TULP4: variants seen among roughly 807,000 people sequenced by gnomAD.
The protein encoded by TULP4 is TUB like protein 4.
Under a neutral mutation model 129.0 loss-of-function variants are expected in TULP4, and 16 were observed. The observed-to-expected ratio is 0.12, with a 90% CI of 0.08 to 0.19. TULP4 has a LOEUF of 0.19. Ranked by LOEUF, TULP4 falls within the 10% of genes least tolerant of loss-of-function variation. TULP4 has a pLI of 1.00. For missense variants in TULP4, 1,842 were observed against 2,059.1 expected (o/e 0.89, Z 2.04); for synonymous variants, 998 against 854.0 (o/e 1.17, Z -2.94).
rs1294262654 is a variant in TULP4 at position 158,493,884 on chromosome 6, C to T, written c.1776+167C>T. 6.6e-6 allele frequency among the ~76,000 whole-genome samples: 1 copy of T among 152,196 alleles called. No individual in the cohort carries two copies. The highest frequency in any genetic ancestry group is 2.4e-5 in the African/African-American group (1 of 41,444). Reference sequence around the variant, plus strand: ...CCTCAGGAGTAGCCCTCAGGTGGAGCTCTGGCTTCTCCACCTGTGCCCCTC... The same window carrying T: ...CCTCAGGAGTAGCCCTCAGGTGGAGTTCTGGCTTCTCCACCTGTGCCCCTC... On this transcript the variant is annotated intron_variant, in intron 10 of 13. Coordinates refer to ENST00000367097, the MANE Select transcript of TULP4 (RefSeq NM_020245.5). This position sits in a 1 kb window ranked among gnomAD's most constrained non-coding sequence, Gnocchi z 4.4.
At chr6:158,300,130 C>G (rs1779107681) in intron 1 of TULP4, among the ~76,000 whole-genome samples, 1 of 152,194 alleles carries the variant, frequency 6.6e-6, no homozygotes, top group Non-Finnish European at 1.5e-5. Context: ...ACGCAGACGT[C>G]TCTTCCCTAT....
intron 1 of TULP4, among the ~76,000 whole-genome samples, chr6:158,314,890 T>A (rs1408507111): frequency 6.6e-6 from 1 of 152,228 alleles, no homozygotes; most frequent in Non-Finnish European, 1.5e-5. Flanking sequence ...GCTTCTAAAA[T>A]ATAAGCAGTG....
chr6:158,362,843 G>T (rs2795830), intron 1 of TULP4, among the ~76,000 whole-genome samples: 138,065 of 151,740 alleles, frequency 0.91, 62,983 homozygotes, highest in Admixed American at 0.94. Flanking sequence ...TGGGAGGTCA[G>T]GAGGTCAGGA....
intron 1 of TULP4, among the ~76,000 whole-genome samples, chr6:158,248,875 G>A (rs1778083225): frequency 1.3e-5 from 2 of 152,060 alleles, no homozygotes; most frequent in African/African-American, 4.8e-5. Flanking sequence ...ATCCCAGCAC[G>A]TTGACAGGTT....
intron 4 of TULP4, 70 bp downstream of exon 4, chr6:158,449,246 T>G (rs341136): frequency 0.23 from 337,811 of 1,473,784 alleles, 41,946 homozygotes; most frequent in Non-Finnish European, 0.25. Flanking sequence ...CAGAGTAGAC[T>G]GATGTGGAGG....
At chr6:158,420,025 A>T (rs1168735131) in intron 2 of TULP4, among the ~76,000 whole-genome samples, 1 of 152,240 alleles carries the variant, frequency 6.6e-6, no homozygotes, top group East Asian at 1.9e-4. Flanking sequence ...AATTGATCAT[A>T]TTCTAGGGCA....
At chr6:158,349,399 G>GAT (rs1780426779) in intron 1 of TULP4, among the ~76,000 whole-genome samples, 1 of 146,178 alleles carries the variant, frequency 6.8e-6, no homozygotes, top group African/African-American at 2.5e-5. Context: ...CTTCCCAGAT[G>GAT]GGGTGGCAGC....
intron 1 of TULP4, among the ~76,000 whole-genome samples, chr6:158,307,379 G>A (rs187940763): frequency 1.3e-5 from 2 of 152,316 alleles, no homozygotes; most frequent in Admixed American, 1.3e-4. Flanking sequence ...TCAACAAGTG[G>A]TAGTTTCTCA....
chr6:158,356,268 C>T (rs981764390), intron 1 of TULP4, among the ~76,000 whole-genome samples: 1 of 152,026 alleles, frequency 6.6e-6, no homozygotes, highest in Non-Finnish European at 1.5e-5. Flanking sequence ...AAGAAAGTGG[C>T]CTAGGGGGTC....
At chr6:158,251,380 T>C (rs1245595971) in intron 1 of TULP4, among the ~76,000 whole-genome samples, 2 of 152,168 alleles carry the variant, frequency 1.3e-5, no homozygotes, top group East Asian at 1.9e-4. Flanking sequence ...TTCATTGTCA[T>C]GTGAGATTTA....
Position 158,502,771 on chromosome 6 carries a change from C to G in TULP4, c.3108C>G (p.Thr1036=). The change falls in exon 13 of 14, where the codon ACC becomes ACG. Residue 1036 remains threonine (T), a synonymous_variant. Transcript: ENST00000367097. ...CGCGGCCCCCACCTGCCCTGTACAC[C>G]TGCAGTCAGTGCAGTGGCACAGGGC... The part of the protein sequence containing the change: ...LPARPPPALY[T]CSQCSGTGPS... 1.2e-6 allele frequency: 2 copies of G among 1,606,182 alleles called. No individual in the cohort carries two copies. The highest frequency in any genetic ancestry group is 1.7e-6 in the Non-Finnish European group (2 of 1,178,882).
At chr6:158,449,325 C>A in intron 4 of TULP4, 149 bp downstream of exon 4, 1 of 742,014 alleles carries the variant, frequency 1.3e-6, no homozygotes, top group South Asian at 2.3e-5. Context: ...AGCTGAAATG[C>A]AAGGTAGGGC....
At chr6:158,305,973 C>T (rs1203142985) in intron 1 of TULP4, among the ~76,000 whole-genome samples, 2 of 152,138 alleles carry the variant, frequency 1.3e-5, no homozygotes, top group African/African-American at 4.8e-5. Context: ...ATGCCCAACA[C>T]CACTCATTTT....
rs199720242 is a variant in TULP4 at position 158,401,050 on chromosome 6, T to TTTG, written c.253-11982_253-11980dup. On this transcript the variant is annotated intron_variant, in intron 1 of 13. Coordinates refer to ENST00000367097, the MANE Select transcript of TULP4 (RefSeq NM_020245.5). ...CCGCCTTTTATGTTTGTTTGGGTTT[T>TTTG]TTGTTGTTGTTGTTGTTGTTGTTGT... 2.8e-3 allele frequency among the ~76,000 whole-genome samples: 405 copies of TTTG among 147,206 alleles called. 3 individuals are homozygous for TTTG. Among genetic ancestry groups the TTTG allele is most frequent in the African/African-American group, 9.2e-3 (368 of 39,818 alleles).
intron 1 of TULP4, among the ~76,000 whole-genome samples, chr6:158,296,218 C>T (rs753390217): frequency 1.1e-4 from 17 of 151,892 alleles, no homozygotes; most frequent in Admixed American, 5.2e-4. Flanking sequence ...TTTTTCTCTT[C>T]CCTTTTCCTC....
rs542348372 is a variant in TULP4, at chr6:158,493,216, G to A, written c.1632-357G>A. Among the ~76,000 whole-genome samples, 2 of 152,298 alleles carry A rather than the reference G, an allele frequency of 1.3e-5. No individual in the cohort carries two copies. Among genetic ancestry groups the A allele is most frequent in the East Asian group, 3.9e-4 (2 of 5,168 alleles). On this transcript the variant is annotated intron_variant, in intron 9 of 13. Transcript: ENST00000367097. The surrounding 1 kb of genome is among the most constrained non-coding windows in gnomAD (Gnocchi z 4.4). ...ATATTTTGAGATGGGGTCTTGCTCT[G>A]TCATCCAGGCTCAAGTGGAGTTGTG...
In TULP4 at chr6:158,350,109, G is replaced by A. The variant is rs562662878; in HGVS notation, c.252+35841G>A. 4.1e-3 allele frequency among the ~76,000 whole-genome samples: 610 copies of A among 148,126 alleles called. 4 individuals are homozygous for A. Among genetic ancestry groups the A allele is most frequent in the South Asian group, 0.021 (99 of 4,626 alleles). ...CCAGACGGGGCAGCCGGGCAGAGGC[G>A]CTCCTCACTTCCCATTCGGGGCAAC... On this transcript the variant is annotated intron_variant, in intron 1 of 13. Transcript: ENST00000367097.
At chr6:158,335,523 G>A (rs1157340568) in intron 1 of TULP4, among the ~76,000 whole-genome samples, 1 of 152,054 alleles carries the variant, frequency 6.6e-6, no homozygotes, top group Non-Finnish European at 1.5e-5. Context: ...ACATAAAAAG[G>A]TATATCCAGA....
chr6:158,264,340 G>T (rs1354004055), intron 1 of TULP4, among the ~76,000 whole-genome samples: 1 of 152,190 alleles, frequency 6.6e-6, no homozygotes, highest in Non-Finnish European at 1.5e-5. Flanking sequence ...CTGGGAATTA[G>T]TGCCATTTGA....
Sources: gnomAD v4.1 joint callset for allele counts (sites outside exome capture counted in the v4.1 genomes callset) on GRCh38, gnomAD v4.1.1 for gene constraint, Gnocchi (gnomAD v3.1) non-coding constraint, MANE v1.5 for transcripts, NCBI Gene and HGNC (gene_info 2026-07-23, HGNC 2026-07-21) for gene names.